STX18: variants seen among roughly 807,000 people sequenced by gnomAD.
STX18 encodes syntaxin-18.
Under a neutral mutation model 50.1 loss-of-function variants are expected in STX18, and 40 were observed. That is an observed-to-expected ratio of 0.80 (90% CI 0.62 to 1.04). The LOEUF (loss-of-function observed/expected upper bound fraction) is 1.04, where lower values mean the gene tolerates loss of function less well. STX18 is among the 50% of genes least tolerant of loss of function. The pLI is 0.00. For missense variants in STX18, 410 were observed against 415.8 expected, an observed-to-expected ratio of 0.99 and a Z score of 0.12; for synonymous variants, 158 against 151.8, an observed-to-expected ratio of 1.04 and a Z score of -0.30.
intron 8 of STX18, chr4:4,423,941 G>T: frequency 3.1e-6 from 1 of 323,732 alleles, no homozygotes; most frequent in Non-Finnish European, 5.8e-6. Context: ...GCAGTCTCCA[G>T]TAAGTTCTCT....
intron 1 of STX18, among the ~76,000 whole-genome samples, chr4:4,482,437 C>T (rs541439943): frequency 3.9e-5 from 6 of 152,330 alleles, no homozygotes; most frequent in South Asian, 4.1e-4. Flanking sequence ...CCTGTTCTGA[C>T]GGCCCCAAAG....
At chr4:4,497,037 C>G (rs1374688443) in intron 1 of STX18, among the ~76,000 whole-genome samples, 1 of 152,166 alleles carries the variant, frequency 6.6e-6, no homozygotes, top group East Asian at 1.9e-4. Flanking sequence ...CCCACAAAGC[C>G]AGCGTTTCAA....
intron 1 of STX18, among the ~76,000 whole-genome samples, chr4:4,495,598 G>A (rs1729133935): frequency 7.7e-6 from 1 of 130,260 alleles, no homozygotes; most frequent in South Asian, 2.3e-4. Context: ...ACGAGGTCTT[G>A]CTATGTTGCC....
intron 1 of STX18, among the ~76,000 whole-genome samples, chr4:4,501,759 C>T (rs1729472893): frequency 1.3e-5 from 2 of 152,246 alleles, no homozygotes; most frequent in South Asian, 4.1e-4. Flanking sequence ...TACTTAAATA[C>T]GAATGCCATA....
intron 1 of STX18, among the ~76,000 whole-genome samples, chr4:4,532,636 C>A (rs1176817100): frequency 6.6e-6 from 1 of 152,098 alleles, no homozygotes; most frequent in African/African-American, 2.4e-5. Flanking sequence ...ATTATCTAGT[C>A]AAAACCTCTC....
chr4:4,441,541 A>G (rs1726108273), intron 5 of STX18, among the ~76,000 whole-genome samples: 1 of 152,218 alleles, frequency 6.6e-6, no homozygotes. Flanking sequence ...AAAACTAACA[A>G]TATCAACAAA....
chr4:4,441,064 C>A (rs541567530), intron 5 of STX18, among the ~76,000 whole-genome samples: 1 of 152,336 alleles, frequency 6.6e-6, no homozygotes, highest in African/African-American at 2.4e-5. Flanking sequence ...CTTCATGGAG[C>A]TGCATGAGTG....
intron 5 of STX18, among the ~76,000 whole-genome samples, chr4:4,449,382 T>G (rs1726626715): frequency 6.6e-6 from 1 of 152,112 alleles, no homozygotes. Flanking sequence ...TGACCAGTTA[T>G]CTCAGTAATA....
intron 7 of STX18, among the ~76,000 whole-genome samples, chr4:4,433,110 G>T (rs1261073296): frequency 6.6e-6 from 1 of 152,188 alleles, no homozygotes; most frequent in African/African-American, 2.4e-5. Flanking sequence ...CTGTGACGTT[G>T]GGTAGGGCTT....
At chr4:4,442,635 C>T (rs994365311) in intron 5 of STX18, among the ~76,000 whole-genome samples, 14 of 151,512 alleles carry the variant, frequency 9.2e-5, no homozygotes, top group African/African-American at 3.4e-4. Flanking sequence ...ACAAAACAAA[C>T]GAAACAAAGC....
chr4:4,511,702 C>T (rs1445134019), intron 1 of STX18, among the ~76,000 whole-genome samples: 1 of 144,190 alleles, frequency 6.9e-6, no homozygotes, highest in Non-Finnish European at 1.5e-5. Context: ...CACCAAACAA[C>T]ACTCATGATT....
At chr4:4,528,347 C>A (rs1015331092) in intron 1 of STX18, among the ~76,000 whole-genome samples, 2 of 152,140 alleles carry the variant, frequency 1.3e-5, no homozygotes, top group Non-Finnish European at 1.5e-5. Context: ...TGGCTTAGCG[C>A]TGTCCCCTTG....
intron 1 of STX18, among the ~76,000 whole-genome samples, chr4:4,501,601 T>C (rs992425866): frequency 2.6e-5 from 4 of 152,182 alleles, no homozygotes; most frequent in African/African-American, 7.2e-5. Context: ...ATGATTCTTA[T>C]CTTTTGCTGT....
In STX18 at chr4:4,541,848, G is replaced by A. The variant is rs777619361; in HGVS notation, c.117C>T (p.Phe39=). Reference sequence around the variant, plus strand: ...CGCCCTTGGGCCGGGGGCTCCGGCGGAACAGCTCGTCCCGGCTGCCATCGA... The same window carrying A: ...CGCCCTTGGGCCGGGGGCTCCGGCGAAACAGCTCGTCCCGGCTGCCATCGA... ...GGVDGSRDEL[F]RRSPRPKGDF... is the part of the protein sequence containing the mutation. Residue 39 remains phenylalanine (F), a synonymous_variant, in exon 1 of 11, where the codon TTC becomes TTT. Transcript: ENST00000306200. 4.3e-6 allele frequency: 7 copies of A among 1,611,484 alleles called. No homozygotes were observed. The East Asian group carries it at 1.3e-4, about 31-fold the overall frequency.
intron 1 of STX18, among the ~76,000 whole-genome samples, chr4:4,483,324 A>G (rs1728547502): frequency 1.3e-5 from 2 of 152,212 alleles, no homozygotes; most frequent in Admixed American, 1.3e-4. Context: ...TCAAAAGTTG[A>G]GTGGCACCTT....
chr4:4,429,475 G>A (rs1401363204), intron 7 of STX18, among the ~76,000 whole-genome samples: 3 of 152,136 alleles, frequency 2.0e-5, no homozygotes, highest in Non-Finnish European at 2.9e-5. Context: ...AGAAGTATTT[G>A]TGTCACAAAG....
At chr4:4,422,056 T>A (rs1221349581) in intron 9 of STX18, among the ~76,000 whole-genome samples, 1 of 152,092 alleles carries the variant, frequency 6.6e-6, no homozygotes, top group East Asian at 1.9e-4. Flanking sequence ...TAGAGAAACC[T>A]GACTGACACA....
At chr4:4,495,824 T>C (rs1200688144) in intron 1 of STX18, among the ~76,000 whole-genome samples, 1 of 152,208 alleles carries the variant, frequency 6.6e-6, no homozygotes, top group East Asian at 1.9e-4. Context: ...AACAAGTTTT[T>C]AATCCTAGTG....
intron 8 of STX18, among the ~76,000 whole-genome samples, chr4:4,424,216 G>A (rs376694148): frequency 1.3e-5 from 2 of 152,092 alleles, no homozygotes; most frequent in Non-Finnish European, 2.9e-5. Context: ...CCTGGGGGGC[G>A]GGTGGGGGCA....
Sources: gnomAD v4.1 joint callset for allele counts (sites outside exome capture counted in the v4.1 genomes callset) on GRCh38, gnomAD v4.1.1 for gene constraint, MANE v1.5 for transcripts, NCBI Gene and HGNC (gene_info 2026-07-23, HGNC 2026-07-21) for gene names.